The following UTRN variants were observed in gnomAD, a reference collection of about 807,000 sequenced individuals.
UTRN encodes utrophin, also known as dystrophin-related protein 1.
In UTRN, 283 loss-of-function variants were observed where a neutral mutation model predicts 463.9. The observed-to-expected ratio is 0.61, with a 90% CI of 0.55 to 0.67. The LOEUF is 0.67. UTRN is among the 30% of genes least tolerant of loss of function. The probability of loss-of-function intolerance (pLI) is 0.00; values close to 1 mark genes in which losing one functional copy is unlikely to be tolerated. For missense variants in UTRN, 3,922 were observed against 4,084.3 expected (o/e 0.96, Z 1.08); for synonymous variants, 1,442 against 1,431.5 (o/e 1.01, Z -0.17).
In UTRN at chr6:144,461,279, C is replaced by A; in HGVS notation, c.2790C>A (p.Ala930=). The A allele has an allele frequency of 6.2e-7, 1 of 1,605,680 alleles. No homozygotes were observed. Among genetic ancestry groups the A allele is most frequent in the Non-Finnish European group, 8.5e-7 (1 of 1,174,928 alleles). The part of the protein sequence containing the change: ...KDVLNDSENK[A]QVSLNVLNDL... ...TGCTAAATGATTCAGAAAATAAGGC[C>A]CAGGTGTCTCTGAATGTCCTTAATG... Residue 930 remains alanine, a synonymous_variant, in exon 22 of 75, where the codon GCC becomes GCA. Coordinates refer to ENST00000367545, the MANE Select transcript of UTRN (RefSeq NM_007124.3).
chr6:144,549,169 G>A (rs1798684329), intron 47 of UTRN, among the ~76,000 whole-genome samples: 1 of 152,236 alleles, frequency 6.6e-6, no homozygotes, highest in African/African-American at 2.4e-5. Flanking sequence ...GTTGTGTGAT[G>A]TAGGATAATC....
intron 35 of UTRN, among the ~76,000 whole-genome samples, chr6:144,511,547 TAA>T (rs1312707483): frequency 3.3e-5 from 5 of 152,320 alleles, no homozygotes; most frequent in Admixed American, 2.6e-4. Context: ...GTAACACTGG[TAA>T]AGTTACTTAA....
chr6:144,725,564 G>A (rs1787783000), intron 53 of UTRN, among the ~76,000 whole-genome samples: 1 of 152,144 alleles, frequency 6.6e-6, no homozygotes, highest in Non-Finnish European at 1.5e-5. Context: ...CCATATATCA[G>A]TCACGTGATA....
chr6:144,799,273 G>T, intron 64 of UTRN: 1 of 341,078 alleles, frequency 2.9e-6, no homozygotes, highest in Non-Finnish European at 6.0e-6. Context: ...AAATTCAAAA[G>T]TTCTCTTCTC....
chr6:144,650,945 G>C (rs1778761797), intron 51 of UTRN, among the ~76,000 whole-genome samples: 1 of 151,788 alleles, frequency 6.6e-6, no homozygotes, highest in African/African-American at 2.4e-5. Flanking sequence ...ACTGGTCATT[G>C]ATAAATCTTT....
rs193253664 is a variant in UTRN, at chr6:144,450,981, T to G, written c.2073-389T>G. Among the ~76,000 whole-genome samples the G allele has an allele frequency of 2.6e-5, 4 of 151,990 alleles. No individual in the cohort carries two copies. The South Asian group carries it at 8.3e-4, about 32-fold the overall frequency. ...TACAAAAATTAGCTGGGTGTGGTGG[T>G]GGGCACCTATAATCCTAGCTACTCG... On this transcript the variant is annotated intron_variant, in intron 17 of 74. Coordinates refer to ENST00000367545, the MANE Select transcript of UTRN (RefSeq NM_007124.3).
At chr6:144,466,741 G>C (rs1789999164) in intron 23 of UTRN, among the ~76,000 whole-genome samples, 1 of 152,154 alleles carries the variant, frequency 6.6e-6, no homozygotes, top group African/African-American at 2.4e-5. Context: ...GGATTTAGGG[G>C]CTGCAAAGTA....
At chr6:144,836,703 A>G in intron 71 of UTRN, 162 bp downstream of exon 71, 1 of 1,109,446 alleles carries the variant, frequency 9.0e-7, no homozygotes, top group Non-Finnish European at 1.2e-6. Flanking sequence ...ACATGTAAGC[A>G]TATAAATCCT....
intron 53 of UTRN, among the ~76,000 whole-genome samples, chr6:144,711,457 T>G (rs983698227): frequency 6.6e-6 from 1 of 152,224 alleles, no homozygotes; most frequent in African/African-American, 2.4e-5. Context: ...TGAGGTCACT[T>G]ATATGCAACT....
chr6:144,815,481 AC>A (rs1562943990), intron 65 of UTRN, among the ~76,000 whole-genome samples: 1 of 151,980 alleles, frequency 6.6e-6, no homozygotes, highest in East Asian at 2.0e-4. Flanking sequence ...CAGTTTGAGT[AC>A]CCAAACCTCA....
At chr6:144,633,826 A>G (rs1585686620) in intron 51 of UTRN, among the ~76,000 whole-genome samples, 1 of 152,376 alleles carries the variant, frequency 6.6e-6, no homozygotes, top group Middle Eastern at 3.4e-3. Flanking sequence ...AATCCCAGGA[A>G]ACTGAAAATA....
intron 62 of UTRN, among the ~76,000 whole-genome samples, chr6:144,791,738 C>G (rs1008255368): frequency 6.6e-6 from 1 of 152,050 alleles, no homozygotes; most frequent in African/African-American, 2.4e-5. Context: ...AGAATGTGAA[C>G]TTTTGTAGGA....
chr6:144,514,550 C>T, intron 36 of UTRN, 100 bp from the exon 37 acceptor site: 2 of 1,268,914 alleles, frequency 1.6e-6, no homozygotes, highest in Non-Finnish European at 2.2e-6. Flanking sequence ...CTGGGGATCC[C>T]AGATATTTAT....
At chr6:144,755,537 G>A (rs762836420) in intron 57 of UTRN, among the ~76,000 whole-genome samples, 8 of 152,058 alleles carry the variant, frequency 5.3e-5, no homozygotes, top group South Asian at 2.1e-4. Flanking sequence ...TTAAAATACC[G>A]TATTACCTAT....
chr6:144,423,879 C>A, intron 5 of UTRN, 107 bp from the exon 6 acceptor site: 1 of 1,149,392 alleles, frequency 8.7e-7, no homozygotes, highest in Non-Finnish European at 1.3e-6. Context: ...TTTCTCTTAT[C>A]TCTCACTTAT....
rs541759830 is a variant in UTRN at position 144,480,011 on chromosome 6, G to C, written c.3507+29G>C. On this transcript the variant is annotated intron_variant, in intron 26 of 74. Coordinates refer to ENST00000367545, the MANE Select transcript of UTRN (RefSeq NM_007124.3). ...AGGCGGGGACGACCAGTGCCAACAGGCTTCATGCCTCCCTCCTCCCTTTAA... is the reference window on the plus strand; with the variant it reads ...AGGCGGGGACGACCAGTGCCAACAGCCTTCATGCCTCCCTCCTCCCTTTAA... 3.4e-4 allele frequency: 546 copies of C among 1,602,446 alleles called. 8 individuals carry two copies. The South Asian group carries it at 5.8e-3, about 17-fold the overall frequency.
intron 27 of UTRN, among the ~76,000 whole-genome samples, chr6:144,485,183 C>G (rs1329060115): frequency 6.6e-6 from 1 of 152,112 alleles, no homozygotes; most frequent in Non-Finnish European, 1.5e-5. Context: ...TTCAGCCTCC[C>G]AAAGTGCTGG....
chr6:144,479,360 C>A (rs888118217), intron 25 of UTRN, among the ~76,000 whole-genome samples: 1 of 152,090 alleles, frequency 6.6e-6, no homozygotes, highest in East Asian at 1.9e-4. Context: ...CTCAGGTGAT[C>A]CCCCTGCCGT....
intron 63 of UTRN, among the ~76,000 whole-genome samples, chr6:144,796,511 A>G: frequency 6.6e-6 from 1 of 152,316 alleles, no homozygotes; most frequent in Non-Finnish European, 1.5e-5. Flanking sequence ...ATATATATAC[A>G]TTAAAGATGT....
Sources: allele counts gnomAD v4.1 joint callset (sites outside exome capture counted in the v4.1 genomes callset), GRCh38; gene constraint gnomAD v4.1.1; transcripts MANE v1.5; gene names NCBI Gene and HGNC (gene_info 2026-07-23, HGNC 2026-07-21).